RAB3B: variants seen among roughly 807,000 people sequenced by gnomAD.
The protein encoded by RAB3B is RAB3B, member RAS oncogene family, also known as ras-related protein Rab-3B.
In RAB3B, 11 loss-of-function variants were observed where a neutral mutation model predicts 20.5. The ratio of observed to expected loss-of-function variants is 0.54; its 90% CI spans 0.34 to 0.89. RAB3B has a LOEUF of 0.89. RAB3B is among the 40% of genes least tolerant of loss of function. The pLI, the probability that RAB3B is intolerant of heterozygous loss-of-function variation, is 0.02. For synonymous variants in RAB3B, 99 were observed against 106.3 expected, an observed-to-expected ratio of 0.93 and a Z score of 0.42; for missense variants, 225 against 280.9, an observed-to-expected ratio of 0.80 and a Z score of 1.42.
intron 4 of RAB3B, among the ~76,000 whole-genome samples, chr1:51,926,473 C>G (rs1487216672): frequency 6.6e-6 from 1 of 152,098 alleles, no homozygotes; most frequent in Non-Finnish European, 1.5e-5. Context: ...GATCCAAGTC[C>G]CAAGGAAGCT....
At chr1:51,967,505 C>CTTT (rs1416217737) in intron 2 of RAB3B, among the ~76,000 whole-genome samples, 1 of 41,622 alleles carries the variant, frequency 2.4e-5, no homozygotes, top group Non-Finnish European at 6.5e-5. Flanking sequence ...TTTCCTTTTT[C>CTTT]TTTTCTTTTC....
rs1429831077 is a variant in RAB3B, at chr1:51,914,642, G to A, written c.*5285C>T. 6.6e-6 allele frequency: 1 copy of A among 152,152 alleles called. No homozygotes were observed. Among genetic ancestry groups the A allele is most frequent in the Admixed American group, 6.5e-5 (1 of 15,272 alleles). The allele number at this position is 152,152 out of a possible 1,614,324, so 9.4% of individuals were successfully genotyped here. ...GACCTTAAAAAACCATCATTTAACAGTATTTATATCTCACGGACTAGTGTT... is the reference window on the plus strand; with the variant it reads ...GACCTTAAAAAACCATCATTTAACAATATTTATATCTCACGGACTAGTGTT... On this transcript the variant is annotated 3_prime_UTR_variant, in exon 5 of 5. Transcript: ENST00000371655.
intron 2 of RAB3B, among the ~76,000 whole-genome samples, chr1:51,969,591 T>G (rs1403400984): frequency 6.7e-6 from 1 of 148,720 alleles, no homozygotes; most frequent in Non-Finnish European, 1.5e-5. Flanking sequence ...AGCCATGGCT[T>G]CATCCTCGCT....
chr1:51,981,310 G>A (rs542271522), intron 1 of RAB3B, among the ~76,000 whole-genome samples: 5 of 152,312 alleles, frequency 3.3e-5, no homozygotes, highest in African/African-American at 1.2e-4. Flanking sequence ...TTACAGGCGA[G>A]AGCCACCACA....
intron 3 of RAB3B, among the ~76,000 whole-genome samples, chr1:51,936,275 C>A (rs112027861): frequency 3.3e-5 from 5 of 152,174 alleles, no homozygotes; most frequent in Non-Finnish European, 7.3e-5. Flanking sequence ...CTCCCTTCTC[C>A]TGGGAATCGT....
chr1:51,980,329 G>A, intron 1 of RAB3B: 1 of 289,306 alleles, frequency 3.5e-6, no homozygotes, highest in Non-Finnish European at 6.6e-6. Context: ...TTGGGAGGCT[G>A]AAGCAGGAGT....
In RAB3B at chr1:51,919,035, C is replaced by G. The variant is rs912570587; in HGVS notation, c.*892G>C. 1 of 145,624 alleles carries G rather than the reference C, an allele frequency of 6.9e-6. No homozygotes were observed. Among genetic ancestry groups the G allele is most frequent in the Non-Finnish European group, 1.5e-5 (1 of 67,350 alleles). The allele number at this position is 145,624 out of a possible 1,614,324, so 9.0% of individuals were successfully genotyped here. A position where few individuals can be genotyped will look rare whatever the true frequency, so the allele number is the denominator to read the frequency against. Reference sequence around the variant, plus strand: ...TCTGTCGCCCAGGCCGGACTGCGGACTGCAGTGGCGCAATCTCGGCTCACT... The same window carrying G: ...TCTGTCGCCCAGGCCGGACTGCGGAGTGCAGTGGCGCAATCTCGGCTCACT... On this transcript the variant is annotated 3_prime_UTR_variant, in exon 5 of 5. Coordinates refer to ENST00000371655, the MANE Select transcript of RAB3B (RefSeq NM_002867.4).
intron 2 of RAB3B, among the ~76,000 whole-genome samples, chr1:51,967,750 A>G (rs909846138): frequency 6.6e-6 from 1 of 151,732 alleles, no homozygotes; most frequent in African/African-American, 2.4e-5. Context: ...TCCTGAGCTC[A>G]AGTGATCCTC....
At chr1:51,920,899 T>G (rs1684164002) in intron 4 of RAB3B, among the ~76,000 whole-genome samples, 1 of 152,034 alleles carries the variant, frequency 6.6e-6, no homozygotes, top group African/African-American at 2.4e-5. Context: ...CTCCCTGAAT[T>G]CCACTAAAAC....
rs771708938 is a variant in RAB3B, at chr1:51,976,997, G to A, written c.121C>T (p.Arg41Cys). The A allele has an allele frequency of 1.4e-5, 23 of 1,614,022 alleles. No homozygotes were observed. Among genetic ancestry groups the A allele is most frequent in the South Asian group, 1.2e-4 (11 of 91,078 alleles). The change falls in exon 2 of 5, where the codon CGC becomes TGC. Residue 41 changes from arginine to cysteine, a missense_variant. By Grantham distance (180) the Arg-to-Cys change is radical (BLOSUM62 -3). Coordinates refer to ENST00000371655, the MANE Select transcript of RAB3B (RefSeq NM_002867.4). ...SSVGKTSFLF[R>C]YADDTFTPAF... ...GGGGTGAACGTGTCATCAGCATAGC[G>A]GAAGAGGAAGGAGGTCTTGCCAACA...
intron 4 of RAB3B, among the ~76,000 whole-genome samples, chr1:51,928,664 G>A (rs1165841420): frequency 6.6e-6 from 1 of 152,096 alleles, no homozygotes; most frequent in African/African-American, 2.4e-5. Context: ...AATTCTTAAC[G>A]TGGTCTACAA....
Position 51,911,049 on chromosome 1 carries a change from T to C in RAB3B, c.*8878A>G, listed in dbSNP as rs377212590. ...CCACACAACTCAGTCCAGTCAGTAG[T>C]TGACTCTCAAGATGGCGGATGTCAC... On this transcript the variant is annotated 3_prime_UTR_variant, in exon 5 of 5. Transcript: ENST00000371655. 5 of 152,228 alleles carry C rather than the reference T, an allele frequency of 3.3e-5. No individual in the cohort carries two copies. The East Asian group carries it at 7.7e-4, about 23-fold the overall frequency. The allele number at this position is 152,228 out of a possible 1,614,324, so 9.4% of individuals were successfully genotyped here.
intron 2 of RAB3B, among the ~76,000 whole-genome samples, chr1:51,967,593 C>CTCAAGG (rs1053828868): frequency 1.5e-4 from 19 of 130,834 alleles, no homozygotes; most frequent in Non-Finnish European, 3.0e-4. Context: ...GTGGTTATAG[C>CTCAAGG]TCAAGGCAGC....
At position 51,969,000 on chromosome 1, in the gene RAB3B, G is replaced by A. The variant is rs530457020; in HGVS notation, c.228+7890C>T. Reference sequence around the variant, plus strand: ...ACTCTTATCTATGTCTTTAATTATAGTAAGAGCTATTGGGCAGGAGCAGTG... The same window carrying A: ...ACTCTTATCTATGTCTTTAATTATAATAAGAGCTATTGGGCAGGAGCAGTG... On this transcript the variant is annotated intron_variant, in intron 2 of 4. Transcript: ENST00000371655. 5.9e-5 allele frequency among the ~76,000 whole-genome samples: 9 copies of A among 152,254 alleles called. No homozygotes were observed. In the East Asian group the frequency reaches 1.7e-3, roughly 29 times the overall value.
At chr1:51,926,410 C>T (rs576833053) in intron 4 of RAB3B, among the ~76,000 whole-genome samples, 9 of 152,244 alleles carry the variant, frequency 5.9e-5, no homozygotes, top group South Asian at 2.1e-4. Context: ...CCATTGACAT[C>T]GAGTTTGATT....
chr1:51,954,661 A>G (rs749558961), intron 2 of RAB3B, among the ~76,000 whole-genome samples: 4 of 152,206 alleles, frequency 2.6e-5, no homozygotes, highest in Non-Finnish European at 4.4e-5. Context: ...GAAATTTTCC[A>G]TAATAAAATA....
At chr1:51,952,830 T>C (rs1445786952) in intron 2 of RAB3B, among the ~76,000 whole-genome samples, 1 of 152,136 alleles carries the variant, frequency 6.6e-6, no homozygotes, top group Non-Finnish European at 1.5e-5. Flanking sequence ...AACTCCCTCT[T>C]TCCTCAGCTT....
chr1:51,946,653 G>T (rs1684569672), intron 2 of RAB3B, among the ~76,000 whole-genome samples: 1 of 152,162 alleles, frequency 6.6e-6, no homozygotes, highest in Non-Finnish European at 1.5e-5. Context: ...GACAGAAGGG[G>T]ACTAATGTTT....
chr1:51,937,206 G>A (rs1684417217), intron 3 of RAB3B, 88 bp downstream of exon 3: 5 of 1,012,922 alleles, frequency 4.9e-6, no homozygotes, highest in Non-Finnish European at 6.0e-6. Context: ...ATTCATCTGG[G>A]CTTCCCCAGC....
Sources: gnomAD v4.1 joint callset for allele counts (sites outside exome capture counted in the v4.1 genomes callset) on GRCh38, gnomAD v4.1.1 for gene constraint, MANE v1.5 for transcripts, NCBI Gene and HGNC (gene_info 2026-07-23, HGNC 2026-07-21) for gene names.